The following CDH10 variants were observed in gnomAD, a reference collection of about 807,000 sequenced individuals.
The protein encoded by CDH10 is cadherin 10.
In CDH10, 30 loss-of-function variants were observed where a neutral mutation model predicts 73.1. The ratio of observed to expected loss-of-function variants is 0.41; its 90% CI spans 0.31 to 0.56. CDH10 has a LOEUF of 0.56. Among genes scored for constraint, CDH10 ranks in the 20% least tolerant of loss-of-function variants. CDH10 has a pLI of 0.27. For synonymous variants in CDH10, 345 were observed against 348.2 expected, an observed-to-expected ratio of 0.99 and a Z score of 0.10; for missense variants, 815 against 973.7, an observed-to-expected ratio of 0.84 and a Z score of 2.17.
chr5:24,548,455 T>C lies in CDH10; in HGVS notation c.232-10781A>G, dbSNP rs146464204. 5.5e-3 allele frequency among the ~76,000 whole-genome samples: 799 copies of C among 146,192 alleles called. 2 individuals are homozygous for C. Among genetic ancestry groups the C allele is most frequent in the Non-Finnish European group, 9.4e-3 (631 of 66,804 alleles). ...TCAGCAGAGCTTCTATGCTATAGTC[T>C]TGAGATAGAATTCCCAGTCCTCCTC... On this transcript the variant is annotated intron_variant, in intron 2 of 11. Transcript: ENST00000264463.
Position 24,616,028 on chromosome 5 carries a change from C to A in CDH10, c.-123-22415G>T, listed in dbSNP as rs147102958. Among the ~76,000 whole-genome samples, 622 of 151,452 alleles carry A rather than the reference C, an allele frequency of 4.1e-3. 5 individuals are homozygous for A. Among genetic ancestry groups the A allele is most frequent in the African/African-American group, 0.014 (596 of 41,268 alleles). On this transcript the variant is annotated intron_variant, in intron 1 of 11. Transcript: ENST00000264463. ...AAATCATATAAATTATAGCCATATT[C>A]TTTTTATGGAATGTTGACTGTAATT...
chr5:24,552,517 T>C (rs992672968), intron 2 of CDH10, among the ~76,000 whole-genome samples: 1 of 152,052 alleles, frequency 6.6e-6, no homozygotes, highest in African/African-American at 2.4e-5. Context: ...TATTATCCTA[T>C]TGCTAATCTT....
At chr5:24,627,156 G>T (rs1453987123) in intron 1 of CDH10, among the ~76,000 whole-genome samples, 1 of 151,808 alleles carries the variant, frequency 6.6e-6, no homozygotes, top group Non-Finnish European at 1.5e-5. Flanking sequence ...ATTATATAAT[G>T]CTAAAAGGAT....
intron 5 of CDH10, 75 bp downstream of exon 5, chr5:24,535,037 T>C: frequency 7.5e-7 from 1 of 1,341,046 alleles, no homozygotes; most frequent in South Asian, 1.5e-5. Context: ...CTTTTTCTTT[T>C]CTTTTTCTTT....
At chr5:24,527,431 CAA>C (rs1438219255) in intron 5 of CDH10, among the ~76,000 whole-genome samples, 2 of 150,744 alleles carry the variant, frequency 1.3e-5, no homozygotes, top group East Asian at 3.9e-4. Context: ...ATACACAAAA[CAA>C]AATATATAGA....
intron 9 of CDH10, among the ~76,000 whole-genome samples, chr5:24,495,791 G>T (rs531242856): frequency 6.6e-6 from 1 of 151,342 alleles, no homozygotes; most frequent in Non-Finnish European, 1.5e-5. Flanking sequence ...GGCGGAGGTT[G>T]CAGTGAGCCG....
At chr5:24,578,805 C>T (rs187359714) in intron 2 of CDH10, among the ~76,000 whole-genome samples, 2 of 152,130 alleles carry the variant, frequency 1.3e-5, no homozygotes, top group African/African-American at 2.4e-5. Context: ...CAATGGAAAA[C>T]ATGTTGATAC....
intron 2 of CDH10, among the ~76,000 whole-genome samples, chr5:24,556,873 A>G (rs181687070): frequency 6.6e-6 from 1 of 151,964 alleles, no homozygotes; most frequent in African/African-American, 2.4e-5. Flanking sequence ...TACACATTCA[A>G]TTGGTTTCTA....
At chr5:24,620,133 C>T (rs1561199920) in intron 1 of CDH10, among the ~76,000 whole-genome samples, 1 of 152,158 alleles carries the variant, frequency 6.6e-6, no homozygotes, top group Non-Finnish European at 1.5e-5. Context: ...ACCTTACTAA[C>T]TTCAGCTCAT....
At chr5:24,544,417 A>G (rs1482949032) in intron 2 of CDH10, among the ~76,000 whole-genome samples, 1 of 152,178 alleles carries the variant, frequency 6.6e-6, no homozygotes, top group African/African-American at 2.4e-5. Context: ...TTTCTGAATA[A>G]TTTCTTTCGG....
At chr5:24,537,814 G>C in intron 2 of CDH10, 140 bp from the exon 3 acceptor site, 1 of 585,468 alleles carries the variant, frequency 1.7e-6, no homozygotes, top group Non-Finnish European at 3.0e-6. Flanking sequence ...AGCTGAATAA[G>C]TTTGATCACA....
intron 2 of CDH10, among the ~76,000 whole-genome samples, chr5:24,540,325 A>G (rs2111908418): frequency 6.6e-6 from 1 of 152,112 alleles, no homozygotes; most frequent in African/African-American, 2.4e-5. Context: ...AAGGCAAGAT[A>G]GAGGTCATTA....
intron 9 of CDH10, among the ~76,000 whole-genome samples, chr5:24,496,681 TTAAG>T (rs2111673024): frequency 6.6e-6 from 1 of 152,256 alleles, no homozygotes; most frequent in South Asian, 2.1e-4. Context: ...GAGATATACC[TTAAG>T]TAACTAAAGC....
intron 10 of CDH10, 150 bp downstream of exon 10, chr5:24,492,667 G>T (rs1742105735): frequency 7.6e-6 from 4 of 522,940 alleles, no homozygotes; most frequent in Non-Finnish European, 1.0e-5. Flanking sequence ...GCCAAAGATG[G>T]CTTTACTAAA....
chr5:24,547,255 G>T (rs1744378967), intron 2 of CDH10, among the ~76,000 whole-genome samples: 3 of 152,068 alleles, frequency 2.0e-5, no homozygotes, highest in South Asian at 2.1e-4. Flanking sequence ...GCAACAGCAG[G>T]CCAACGTTCC....
At chr5:24,642,733 T>C (rs991609919) in intron 1 of CDH10, among the ~76,000 whole-genome samples, 2 of 152,174 alleles carry the variant, frequency 1.3e-5, no homozygotes, top group Admixed American at 6.5e-5. Context: ...TTCACACATA[T>C]GCATATGTAG....
At chr5:24,600,699 A>G (rs1271725247) in intron 1 of CDH10, among the ~76,000 whole-genome samples, 1 of 152,180 alleles carries the variant, frequency 6.6e-6, no homozygotes, top group Non-Finnish European at 1.5e-5. Context: ...CACAAGAGAG[A>G]AAGTGCGTTT....
rs141297232 is a variant in CDH10, at chr5:24,570,563, C to G, written c.231+22697G>C. Among the ~76,000 whole-genome samples, 327 of 152,168 alleles carry G rather than the reference C, an allele frequency of 2.1e-3. 2 individuals carry two copies. The highest frequency in any genetic ancestry group is 7.2e-3 in the African/African-American group (298 of 41,492). On this transcript the variant is annotated intron_variant, in intron 2 of 11. Coordinates refer to ENST00000264463, the MANE Select transcript of CDH10 (RefSeq NM_006727.5). ...AAATTCCTATCCACAGATGTTTATA[C>G]GAAGAGCATTCCCGAATACATATTC...
intron 8 of CDH10, among the ~76,000 whole-genome samples, chr5:24,498,849 T>C (rs1294336530): frequency 6.6e-6 from 1 of 152,232 alleles, no homozygotes; most frequent in African/African-American, 2.4e-5. Context: ...ATCCTTGTTA[T>C]ACTTCATTAT....
Sources: allele counts gnomAD v4.1 joint callset (sites outside exome capture counted in the v4.1 genomes callset), GRCh38; gene constraint gnomAD v4.1.1; transcripts MANE v1.5; gene names NCBI Gene and HGNC (gene_info 2026-07-23, HGNC 2026-07-21).